The following TRIM67 variants were observed in gnomAD, a reference collection of about 807,000 sequenced individuals.
The protein encoded by TRIM67 is tripartite motif-containing protein 67.
TRIM67 carries 39 observed loss-of-function variants against 71.0 expected under a neutral mutation model. The observed-to-expected ratio is 0.55, with a 90% CI of 0.43 to 0.72. TRIM67 has a LOEUF of 0.72. TRIM67 is among the 30% of genes least tolerant of loss of function. TRIM67 has a pLI of 0.00. For synonymous variants in TRIM67, 481 were observed against 473.9 expected (o/e 1.01, Z -0.19); for missense variants, 973 against 1,079.2 (o/e 0.90, Z 1.38).
At position 231,217,834 on chromosome 1, in the gene TRIM67, G is replaced by A; in HGVS notation, c.*2394G>A. 7.8e-7 allele frequency: 1 copy of A among 1,289,684 alleles called. No homozygotes were observed. The highest frequency in any genetic ancestry group is 1.0e-6 in the Non-Finnish European group (1 of 988,808). 79.9% of individuals were successfully genotyped at this position (1,289,684 alleles called of 1,614,324 possible). A position where few individuals can be genotyped will look rare whatever the true frequency, so the allele number is the denominator to read the frequency against. ...GCAGCATCCAGGTCAGGAGAGAAGT[G>A]GAAAGTGCAGGAGGGTAATGCCCTC... On this transcript the variant is annotated 3_prime_UTR_variant, in exon 10 of 10. Transcript: ENST00000366653.
chr1:231,177,232 T>TTG (rs1435612247), intron 1 of TRIM67, among the ~76,000 whole-genome samples: 3 of 152,138 alleles, frequency 2.0e-5, no homozygotes, highest in Non-Finnish European at 2.9e-5. Flanking sequence ...GGAGTTGAGT[T>TTG]GGGTTTCAAA....
chr1:231,199,314 G>A (rs1301216605), intron 3 of TRIM67, 145 bp downstream of exon 3: 3 of 814,046 alleles, frequency 3.7e-6, no homozygotes, highest in Non-Finnish European at 6.0e-6. Flanking sequence ...AGGAAGGGAT[G>A]CACCAGCTGG....
rs1387697064 is a variant in TRIM67, at chr1:231,220,999, C to A, written c.*5559C>A. The A allele has an allele frequency of 6.6e-6, 1 of 152,274 alleles. No individual in the cohort carries two copies. Among genetic ancestry groups the A allele is most frequent in the Non-Finnish European group, 1.5e-5 (1 of 68,084 alleles). 9.4% of individuals were successfully genotyped at this position (152,274 alleles called of 1,614,324 possible). On this transcript the variant is annotated 3_prime_UTR_variant, in exon 10 of 10. Transcript: ENST00000366653. The stretch of plus-strand genomic sequence containing the variant: ...CCAGCCGGGGAAGCCTCTCCAACTC[C>A]TCCTAGCCCTGGAAACCAGACACCC...
intron 9 of TRIM67, among the ~76,000 whole-genome samples, chr1:231,214,855 T>G (rs1412246641): frequency 6.6e-6 from 1 of 151,572 alleles, no homozygotes; most frequent in Non-Finnish European, 1.5e-5. Context: ...ACTCCAGTAC[T>G]TTGGGAGGCC....
At chr1:231,185,917 T>C (rs1251583540) in intron 1 of TRIM67, among the ~76,000 whole-genome samples, 1 of 151,814 alleles carries the variant, frequency 6.6e-6, no homozygotes, top group East Asian at 1.9e-4. Context: ...CAAGCTGAGC[T>C]AGGACTGGAG....
rs1389166005 is a variant in TRIM67 at position 231,216,174 on chromosome 1, C to T, written c.*734C>T. The T allele has an allele frequency of 3.1e-6, 3 of 958,120 alleles. No homozygotes were observed. 59.4% of individuals were successfully genotyped at this position (958,120 alleles called of 1,614,324 possible). ...CTTCTCTTTCTCTCTTCTTCTCTCT[C>T]TCCTTCCTTCCCTCCTTTGCTCTCT... On this transcript the variant is annotated 3_prime_UTR_variant, in exon 10 of 10. Transcript: ENST00000366653.
intron 1 of TRIM67, chr1:231,184,873 G>A (rs117023265): frequency 6.4e-5 from 46 of 716,286 alleles, no homozygotes; most frequent in East Asian, 4.1e-4. Context: ...GTGAGGACAC[G>A]AAGTCTCACA....
At chr1:231,192,973 A>G (rs1391487734) in intron 1 of TRIM67, among the ~76,000 whole-genome samples, 1 of 152,156 alleles carries the variant, frequency 6.6e-6, no homozygotes, top group Admixed American at 6.5e-5. Flanking sequence ...CTTCTTGCCA[A>G]GCAGGAAGAA....
At chr1:231,185,927 G>A in intron 1 of TRIM67, 1 of 646,924 alleles carries the variant, frequency 1.5e-6, no homozygotes. Flanking sequence ...TAGGACTGGA[G>A]ATGAGTGTGA....
chr1:231,206,071 T>C (rs1683686898), intron 6 of TRIM67, among the ~76,000 whole-genome samples: 1 of 152,176 alleles, frequency 6.6e-6, no homozygotes, highest in Non-Finnish European at 1.5e-5. Context: ...TCAAGTTCTG[T>C]GAGCCAGCCA....
Position 231,203,825 on chromosome 1 carries a change from C to G in TRIM67, c.1535-42C>G, listed in dbSNP as rs372058406. The G allele has an allele frequency of 1.9e-6, 3 of 1,589,972 alleles. No individual in the cohort carries two copies. The South Asian group carries it at 3.4e-5, about 18-fold the overall frequency. ...GGGTGGGGGACCGGGCTGGGGCCCT[C>G]GGAGGGCTTCCTGCGCTAACTCATG... On this transcript the variant is annotated intron_variant, in intron 5 of 9. Coordinates refer to ENST00000366653, the MANE Select transcript of TRIM67 (RefSeq NM_001004342.5).
At chr1:231,187,449 A>G in intron 1 of TRIM67, 1 of 1,302,900 alleles carries the variant, frequency 7.7e-7, no homozygotes, top group Non-Finnish European at 1.0e-6. Flanking sequence ...TGTTCTGCCA[A>G]CAGATGAGGG....
chr1:231,200,422 C>T (rs116376640), intron 4 of TRIM67, among the ~76,000 whole-genome samples, 164 bp downstream of exon 4: 2,008 of 152,344 alleles, frequency 0.013, 44 homozygotes, highest in African/African-American at 0.046. Flanking sequence ...GGCTCTGACT[C>T]TCACTAGATG....
chr1:231,166,387 C>T (rs1345317868), intron 1 of TRIM67, among the ~76,000 whole-genome samples: 1 of 152,200 alleles, frequency 6.6e-6, no homozygotes, highest in Non-Finnish European at 1.5e-5. Context: ...AATGGGAGAG[C>T]CTTGGTCAAA....
chr1:231,204,412 C>T (rs1425380783), intron 6 of TRIM67, among the ~76,000 whole-genome samples: 3 of 152,186 alleles, frequency 2.0e-5, no homozygotes, highest in African/African-American at 4.8e-5. Flanking sequence ...CTGTCTGACC[C>T]TCATATACCT....
intron 1 of TRIM67, among the ~76,000 whole-genome samples, chr1:231,186,714 T>G (rs757278447): frequency 6.6e-6 from 1 of 152,214 alleles, no homozygotes; most frequent in Non-Finnish European, 1.5e-5. Flanking sequence ...TCTGAGGTGC[T>G]GGGGGTTAGG....
intron 1 of TRIM67, among the ~76,000 whole-genome samples, chr1:231,175,831 A>T (rs1456600404): frequency 1.3e-5 from 2 of 152,226 alleles, no homozygotes; most frequent in Non-Finnish European, 2.9e-5. Flanking sequence ...TCCTTGAGTG[A>T]TTCCTGCCAT....
intron 1 of TRIM67, among the ~76,000 whole-genome samples, chr1:231,181,243 C>T (rs1472388308): frequency 2.0e-5 from 3 of 152,172 alleles, no homozygotes; most frequent in African/African-American, 7.2e-5. Flanking sequence ...GGATTACAGG[C>T]GTGAGCCACT....
intron 9 of TRIM67, among the ~76,000 whole-genome samples, chr1:231,214,203 G>T (rs1333343572): frequency 6.6e-6 from 1 of 152,194 alleles, no homozygotes; most frequent in Non-Finnish European, 1.5e-5. Flanking sequence ...TGGAGACGCA[G>T]ACCTCAGGAC....
Sources: allele counts gnomAD v4.1 joint callset (sites outside exome capture counted in the v4.1 genomes callset), GRCh38; gene constraint gnomAD v4.1.1; transcripts MANE v1.5; gene names NCBI Gene and HGNC (gene_info 2026-07-23, HGNC 2026-07-21).